TKTL1: variants seen among roughly 807,000 people sequenced by gnomAD.
TKTL1 encodes transketolase like 1, also known as transketolase-like protein 1.
In TKTL1, 1 loss-of-function variant was observed where a neutral mutation model predicts 39.3. That is an observed-to-expected ratio of 0.03 (90% CI 0.01 to 0.12). The LOEUF (loss-of-function observed/expected upper bound fraction) is 0.12, where lower values mean the gene tolerates loss of function less well. TKTL1 is among the 10% of genes least tolerant of loss of function. The pLI is 1.00. For missense variants in TKTL1, 575 were observed against 509.6 expected (o/e 1.13, Z -1.24); for synonymous variants, 262 against 193.8 (o/e 1.35, Z -2.92).
rs369995388 is a variant in TKTL1 at position 154,301,373 on chromosome X, C to T, written c.135-3931C>T. Among the ~76,000 whole-genome samples the T allele has an allele frequency of 5.8e-3, 639 of 109,964 alleles. 5 individuals are homozygous for T. Among genetic ancestry groups the T allele is most frequent in the African/African-American group, 0.019 (569 of 30,159 alleles). ...CTCTACTAAAAATGCAAAAATTAGC[C>T]GGGCGTGGTGGTGCACCTCTGTAAT... On this transcript the variant is annotated intron_variant, in intron 1 of 12. Coordinates refer to ENST00000369915, the MANE Select transcript of TKTL1 (RefSeq NM_012253.4).
At chrX:154,318,860 C>T (rs1197313289) in intron 7 of TKTL1, among the ~76,000 whole-genome samples, 3 of 110,515 alleles carry the variant, frequency 2.7e-5, no homozygotes, top group Non-Finnish European at 5.7e-5. Context: ...CCATTCCATT[C>T]ATTTCCCCAA....
Position 154,320,406 on chromosome X carries a change from C to A in TKTL1, c.1030-351C>A, listed in dbSNP as rs928167557. ...TGATCCAAGAGAAAGGGAAGTAGCA[C>A]AAGAGGGGAGGAGGAGCTGCATGGC... On this transcript the variant is annotated intron_variant, in intron 7 of 12. Transcript: ENST00000369915. 70 of 246,974 alleles carry A rather than the reference C, an allele frequency of 2.8e-4. 1 individual carries two copies. Among genetic ancestry groups the A allele is most frequent in the Non-Finnish European group, 4.8e-4 (66 of 137,701 alleles). 20.4% of individuals were successfully genotyped at this position (246,974 alleles called of 1,213,427 possible). A position where few individuals can be genotyped will look rare whatever the true frequency, so the allele number is the denominator to read the frequency against.
At position 154,303,379 on chromosome X, in the gene TKTL1, A is replaced by ATTTTTT. The variant is rs1172255094; in HGVS notation, c.135-1898_135-1893dup. Among the ~76,000 whole-genome samples, 36 of 33,671 alleles carry ATTTTTT rather than the reference A, an allele frequency of 1.1e-3. 2 individuals carry two copies. The highest frequency in any genetic ancestry group is 1.3e-3 in the African/African-American group (10 of 7,435). 29.2% of individuals were successfully genotyped at this position (33,671 alleles called of 115,157 possible). On this transcript the variant is annotated intron_variant, in intron 1 of 12. Transcript: ENST00000369915. The stretch of plus-strand genomic sequence containing the variant: ...AGGTGCATGCCACCCTGCCCAGCTA[A>ATTTTTT]TTTTTTTTTTTTTTTTTTTTTTTTT...
chrX:154,328,820 C>T (rs1227717732), intron 12 of TKTL1, among the ~76,000 whole-genome samples: 3 of 110,779 alleles, frequency 2.7e-5, no homozygotes, highest in African/African-American at 9.9e-5. Context: ...GCTCTCACAC[C>T]TGAGGTTGAT....
At position 154,317,490 on chromosome X, in the gene TKTL1, G is replaced by A. The variant is rs782311677; in HGVS notation, c.1029+2153G>A. On this transcript the variant is annotated intron_variant, in intron 7 of 12. Coordinates refer to ENST00000369915, the MANE Select transcript of TKTL1 (RefSeq NM_012253.4). ...GCCAAGTGGTAGGAGCATGGTGAAC[G>A]CAGAAAACTCTCCAGGGCCCAGGTC... 6.2e-5 allele frequency among the ~76,000 whole-genome samples: 7 copies of A among 112,289 alleles called. No homozygotes were observed. In the East Asian group the frequency reaches 1.4e-3, roughly 22 times the overall value.
At chrX:154,327,024 G>C (rs1478457344) in intron 10 of TKTL1, among the ~76,000 whole-genome samples, 1 of 111,878 alleles carries the variant, frequency 8.9e-6, no homozygotes, top group Non-Finnish European at 1.9e-5. Context: ...CCGATGGGTA[G>C]CTTTGGAGGC....
intron 1 of TKTL1, among the ~76,000 whole-genome samples, chrX:154,300,997 A>AG (rs782536196): frequency 9.1e-5 from 10 of 109,869 alleles, no homozygotes; most frequent in Non-Finnish European, 1.9e-4. Flanking sequence ...CGCCTGGCCT[A>AG]GGGTTTTCTA....
In TKTL1 at chrX:154,325,430, C is replaced by T; in HGVS notation, c.1401+8C>T. 1 of 1,189,021 alleles carries T rather than the reference C, an allele frequency of 8.4e-7. No individual in the cohort carries two copies. The highest frequency in any genetic ancestry group is 1.1e-6 in the Non-Finnish European group (1 of 874,890). On this transcript the variant is annotated splice_region_variant and intron_variant, in intron 10 of 12. Coordinates refer to ENST00000369915, the MANE Select transcript of TKTL1 (RefSeq NM_012253.4). ...GAGATCGGACAGGCCAAGGTAAGGG[C>T]TTACGCGCTCCTGCGTTATTCAGTA... is the stretch of plus-strand genomic sequence containing the variant.
intron 1 of TKTL1, chrX:154,305,043 C>T: frequency 9.0e-7 from 1 of 1,105,940 alleles, no homozygotes; most frequent in Non-Finnish European, 1.2e-6. Context: ...ATACTCATGT[C>T]AGAGGCACAA....
Position 154,329,434 on chromosome X carries a change from A to G in TKTL1, c.1619-82A>G, listed in dbSNP as rs1226726174. ...ATCAGATTTTCCCCTGGGAAGCTGC[A>G]GATTCAAAGGCCTCTATGTGGTGAG... On this transcript the variant is annotated intron_variant, in intron 12 of 12. Transcript: ENST00000369915. 4.4e-5 allele frequency: 43 copies of G among 986,873 alleles called. No individual in the cohort carries two copies. The Admixed American group carries it at 5.3e-4, about 12-fold the overall frequency. The allele number at this position is 986,873 out of a possible 1,213,427, so 81.3% of individuals were successfully genotyped here.
At chrX:154,322,497 C>G (rs932766001) in intron 8 of TKTL1, among the ~76,000 whole-genome samples, 1 of 111,129 alleles carries the variant, frequency 9.0e-6, no homozygotes, top group Non-Finnish European at 1.9e-5. Context: ...ACCTAGTGCG[C>G]TCAAGCCTGG....
chrX:154,307,912 T>G (rs189405986), intron 2 of TKTL1, among the ~76,000 whole-genome samples: 6 of 111,309 alleles, frequency 5.4e-5, no homozygotes, highest in East Asian at 2.8e-4. Context: ...AGGGAGTCTC[T>G]GGGGGGCACA....
chrX:154,310,361 G>C (rs1462551324), intron 3 of TKTL1, among the ~76,000 whole-genome samples: 3 of 111,869 alleles, frequency 2.7e-5, no homozygotes, highest in Non-Finnish European at 3.8e-5. Flanking sequence ...CTTGAACCCG[G>C]GAGGTGGAGG....
At chrX:154,296,051 G>A in intron 1 of TKTL1, 58 bp downstream of exon 1, 1 of 1,178,531 alleles carries the variant, frequency 8.5e-7, no homozygotes, top group Non-Finnish European at 1.1e-6. Flanking sequence ...GTGGCTTCAG[G>A]CCTGGTGGCC....
At chrX:154,304,898 T>A in intron 1 of TKTL1, 3 of 668,000 alleles carry the variant, frequency 4.5e-6, no homozygotes, top group Non-Finnish European at 6.3e-6. Context: ...TTTCTCAGTC[T>A]GTCACCGTTC....
intron 7 of TKTL1, among the ~76,000 whole-genome samples, chrX:154,319,751 A>AC (rs1277986850): frequency 9.1e-6 from 1 of 109,414 alleles, no homozygotes; most frequent in African/African-American, 3.3e-5. Flanking sequence ...AAAAAAAAAA[A>AC]AGACCATGAG....
At chrX:154,300,010 ATTTTTT>A (rs1169453325) in intron 1 of TKTL1, among the ~76,000 whole-genome samples, 6 of 86,683 alleles carry the variant, frequency 6.9e-5, no homozygotes, top group Non-Finnish European at 1.1e-4. Flanking sequence ...TACTTTTAGT[ATTTTTT>A]TTTTTTTTTT....
intron 8 of TKTL1, 33 bp downstream of exon 8, chrX:154,320,946 C>G: frequency 8.4e-7 from 1 of 1,187,717 alleles, no homozygotes; most frequent in Non-Finnish European, 1.1e-6. Context: ...TCTTGGTAGC[C>G]TTCCTCCTTC....
intron 2 of TKTL1, 112 bp from the exon 3 acceptor site, chrX:154,309,233 G>A (rs1021617141): frequency 1.7e-4 from 107 of 622,375 alleles, no homozygotes; most frequent in African/African-American, 9.6e-4. Flanking sequence ...GGGGCTGTTC[G>A]GATGGGACGC....
Sources: allele counts gnomAD v4.1 joint callset (sites outside exome capture counted in the v4.1 genomes callset), GRCh38; gene constraint gnomAD v4.1.1; transcripts MANE v1.5; gene names NCBI Gene and HGNC (gene_info 2026-07-23, HGNC 2026-07-21).